Variants in CFAP58 observed in about 807,000 individuals in gnomAD.
CFAP58 encodes the protein cilia- and flagella-associated protein 58.
CFAP58 carries 88 observed loss-of-function variants against 119.5 expected under a neutral mutation model. The ratio of observed to expected loss-of-function variants is 0.74; its 90% CI spans 0.62 to 0.88. The LOEUF (loss-of-function observed/expected upper bound fraction) is 0.88, where lower values mean the gene tolerates loss of function less well. Among genes scored for constraint, CFAP58 ranks in the 40% least tolerant of loss-of-function variants. The pLI is 0.00. For synonymous variants in CFAP58, 365 were observed against 366.3 expected (o/e 1.00, Z 0.04); for missense variants, 990 against 1,021.2 (o/e 0.97, Z 0.42).
chr10:104,379,987 A>T (rs750884916), intron 8 of CFAP58, 42 bp from the exon 9 acceptor site: 1 of 1,547,110 alleles, frequency 6.5e-7, no homozygotes, highest in South Asian at 1.2e-5. Context: ...CAAATCCTTG[A>T]ACATTATGAG....
intron 15 of CFAP58, among the ~76,000 whole-genome samples, chr10:104,413,044 A>G (rs1157394846): frequency 6.6e-6 from 1 of 152,220 alleles, no homozygotes; most frequent in Non-Finnish European, 1.5e-5. Context: ...CTGTTAGACT[A>G]TAAGCTTCGC....
At chr10:104,416,113 C>T (rs1448712062) in intron 15 of CFAP58, among the ~76,000 whole-genome samples, 1 of 152,100 alleles carries the variant, frequency 6.6e-6, no homozygotes, top group Non-Finnish European at 1.5e-5. Context: ...TCATCCTGCC[C>T]AGAAAATTTT....
intron 15 of CFAP58, among the ~76,000 whole-genome samples, chr10:104,417,366 G>A (rs536074869): frequency 6.6e-6 from 1 of 152,356 alleles, no homozygotes; most frequent in African/African-American, 2.4e-5. Flanking sequence ...CACAATGCTT[G>A]AGATTTGGCC....
upstream of CFAP58, among the ~76,000 whole-genome samples, chr10:104,352,348 T>C (rs960523266): frequency 6.6e-6 from 1 of 152,224 alleles, no homozygotes; most frequent in Non-Finnish European, 1.5e-5. Flanking sequence ...ACTAGGCTAC[T>C]GGGCATCGTT....
At chr10:104,446,799 C>A (rs527338808) in intron 15 of CFAP58, among the ~76,000 whole-genome samples, 1 of 152,016 alleles carries the variant, frequency 6.6e-6, no homozygotes. Context: ...GTTCAAGGGT[C>A]GGAAAACACT....
chr10:104,348,982 C>T (rs578194211), upstream of CFAP58, among the ~76,000 whole-genome samples: 1 of 152,124 alleles, frequency 6.6e-6, no homozygotes, highest in Non-Finnish European at 1.5e-5. Flanking sequence ...TGTGGTGGCT[C>T]ACACCTGTAA....
At chr10:104,377,627 G>A (rs2011697331) in intron 8 of CFAP58, among the ~76,000 whole-genome samples, 1 of 152,138 alleles carries the variant, frequency 6.6e-6, no homozygotes, top group Non-Finnish European at 1.5e-5. Context: ...GGTTGTGGGG[G>A]ATGGTGGCAG....
chr10:104,400,563 T>G, intron 12 of CFAP58, 117 bp from the exon 13 acceptor site: 1 of 802,176 alleles, frequency 1.2e-6, no homozygotes, highest in Non-Finnish European at 2.1e-6. Flanking sequence ...GCCCAGCCCA[T>G]GTGGTGCCCA....
the CFAP58 span, among the ~76,000 whole-genome samples, chr10:104,342,836 C>G: frequency 8.3e-6 from 1 of 120,516 alleles, no homozygotes; most frequent in Admixed American, 8.9e-5. Flanking sequence ...GGGAGTGAGA[C>G]CCTGTATCAA....
At chr10:104,412,649 G>A (rs1398320704) in intron 15 of CFAP58, among the ~76,000 whole-genome samples, 1 of 152,144 alleles carries the variant, frequency 6.6e-6, no homozygotes, top group Admixed American at 6.5e-5. Flanking sequence ...GAGTATCACA[G>A]CAATTTTTAA....
chr10:104,409,146 G>A (rs1361276605), intron 15 of CFAP58, among the ~76,000 whole-genome samples: 2 of 151,818 alleles, frequency 1.3e-5, no homozygotes, highest in Non-Finnish European at 2.9e-5. Context: ...TTTGATATGG[G>A]GAATTTTCAT....
intron 15 of CFAP58, among the ~76,000 whole-genome samples, chr10:104,431,950 C>T (rs1188930011): frequency 6.6e-6 from 1 of 152,086 alleles, no homozygotes; most frequent in African/African-American, 2.4e-5. Flanking sequence ...TATTCTATAG[C>T]CATTTTTTTA....
intron 15 of CFAP58, among the ~76,000 whole-genome samples, chr10:104,416,822 A>G (rs1411843529): frequency 1.3e-5 from 2 of 152,190 alleles, no homozygotes; most frequent in African/African-American, 4.8e-5. Context: ...TACCTGGTGG[A>G]GCATTGAGTC....
rs1194704080 is a variant in CFAP58, at chr10:104,454,825, A to G, written c.*295A>G. On this transcript the variant is annotated 3_prime_UTR_variant, in exon 18 of 18. Coordinates refer to ENST00000369704, the MANE Select transcript of CFAP58 (RefSeq NM_001008723.2). Reference sequence around the variant, plus strand: ...TACTAGACCTTAATTTCTTTATTACAGACATTGGTGTACTTGAAGGTTTTA... The same window carrying G: ...TACTAGACCTTAATTTCTTTATTACGGACATTGGTGTACTTGAAGGTTTTA... The G allele has an allele frequency of 2.9e-5, 8 of 274,748 alleles. No individual in the cohort carries two copies. The highest frequency in any genetic ancestry group is 5.4e-5 in the Non-Finnish European group (8 of 148,464). The allele number at this position is 274,748 out of a possible 1,614,324, so 17.0% of individuals were successfully genotyped here. A position where few individuals can be genotyped will look rare whatever the true frequency, so the allele number is the denominator to read the frequency against.
rs191121031 is a variant in CFAP58, at chr10:104,423,018, T to C, written c.2256+16225T>C. ...ATAATTGTACTAAGATTTCTTTTTT[T>C]AATCCTTTGTTGGATATGGTACTTT... is the stretch of plus-strand genomic sequence containing the variant. On this transcript the variant is annotated intron_variant, in intron 15 of 17. Transcript: ENST00000369704. Among the ~76,000 whole-genome samples the C allele has an allele frequency of 1.5e-3, 236 of 152,368 alleles. 2 individuals carry two copies. Among genetic ancestry groups the C allele is most frequent in the South Asian group, 2.7e-3 (13 of 4,824 alleles).
chr10:104,445,341 A>G (rs547711970), intron 15 of CFAP58, among the ~76,000 whole-genome samples: 1 of 151,414 alleles, frequency 6.6e-6, no homozygotes, highest in African/African-American at 2.4e-5. Context: ...AAAAAACAAC[A>G]ACAACAACAA....
intron 8 of CFAP58, among the ~76,000 whole-genome samples, chr10:104,379,257 T>A (rs1427037560): frequency 1.3e-5 from 2 of 152,224 alleles, no homozygotes; most frequent in Non-Finnish European, 2.9e-5. Context: ...ATAAATGGGA[T>A]CATACACTAT....
intron 16 of CFAP58, 137 bp from the exon 17 acceptor site, chr10:104,449,934 A>T: frequency 1.2e-6 from 1 of 802,500 alleles, no homozygotes; most frequent in Non-Finnish European, 1.9e-6. Context: ...GAGCTGGTGG[A>T]AGCATGCAGA....
chr10:104,421,259 C>T (rs1359238240), intron 15 of CFAP58, among the ~76,000 whole-genome samples: 1 of 152,164 alleles, frequency 6.6e-6, no homozygotes, highest in African/African-American at 2.4e-5. Flanking sequence ...AATTTCTGTC[C>T]AACTTTCCAC....
Sources: allele counts gnomAD v4.1 joint callset (sites outside exome capture counted in the v4.1 genomes callset), GRCh38; gene constraint gnomAD v4.1.1; transcripts MANE v1.5; gene names NCBI Gene and HGNC (gene_info 2026-07-23, HGNC 2026-07-21).